SPTLC1: variants seen among roughly 807,000 people sequenced by gnomAD.
SPTLC1 encodes serine palmitoyltransferase 1.
In SPTLC1, 55 loss-of-function variants were observed where a neutral mutation model predicts 68.9. That is an observed-to-expected ratio of 0.80 (90% CI 0.64 to 1.00). The LOEUF (loss-of-function observed/expected upper bound fraction) is 1.00, where lower values mean the gene tolerates loss of function less well. Ranked by LOEUF, SPTLC1 falls within the 50% of genes least tolerant of loss-of-function variation. SPTLC1 has a pLI of 0.00. For missense variants in SPTLC1, 449 were observed against 573.1 expected (o/e 0.78, Z 2.21); for synonymous variants, 197 against 201.6 (o/e 0.98, Z 0.19).
At chr9:92,061,299 G>A (rs1432125146) in intron 6 of SPTLC1, among the ~76,000 whole-genome samples, 4 of 152,084 alleles carry the variant, frequency 2.6e-5, no homozygotes, top group Admixed American at 6.5e-5. Context: ...TTTGAATGAC[G>A]GGAGATTTTT....
chr9:92,115,075 G>T, intron 1 of SPTLC1: 2 of 582,818 alleles, frequency 3.4e-6, no homozygotes, highest in Non-Finnish European at 6.2e-6. Context: ...AGCTTCCAGG[G>T]GACCCGGAGC....
chr9:92,093,514 G>C (rs1396964149), intron 3 of SPTLC1, among the ~76,000 whole-genome samples: 1 of 152,054 alleles, frequency 6.6e-6, no homozygotes, highest in African/African-American at 2.4e-5. Flanking sequence ...GTTATCAGCA[G>C]GTGATATGAT....
intron 1 of SPTLC1, among the ~76,000 whole-genome samples, chr9:92,113,435 GAATT>G (rs1192712591): frequency 3.3e-5 from 5 of 152,168 alleles, no homozygotes; most frequent in African/African-American, 1.2e-4. Context: ...TCTCTCTAGT[GAATT>G]AATAAAAATC....
intron 3 of SPTLC1, among the ~76,000 whole-genome samples, chr9:92,098,062 C>T (rs1287230332): frequency 6.6e-6 from 1 of 152,152 alleles, no homozygotes; most frequent in African/African-American, 2.4e-5. Context: ...AGATGGCGAT[C>T]GGTAACCATC....
At chr9:92,056,102 G>A (rs1048699029) in intron 7 of SPTLC1, among the ~76,000 whole-genome samples, 1 of 152,110 alleles carries the variant, frequency 6.6e-6, no homozygotes, top group South Asian at 2.1e-4. Flanking sequence ...AACTCAAACC[G>A]TTTTCCTTCA....
At chr9:92,068,594 A>G (rs16908129) in intron 5 of SPTLC1, among the ~76,000 whole-genome samples, 5,174 of 152,272 alleles carry the variant, frequency 0.034, 155 homozygotes, top group South Asian at 0.11. Context: ...ACCTCCCATC[A>G]CTTTCTGGGG....
At chr9:92,060,130 G>C (rs562840908) in intron 6 of SPTLC1, among the ~76,000 whole-genome samples, 17 of 152,284 alleles carry the variant, frequency 1.1e-4, no homozygotes, top group African/African-American at 4.1e-4. Flanking sequence ...TGGAGGCCGA[G>C]TAGGGCCCCT....
chr9:92,092,187 TA>T (rs1416559036), intron 3 of SPTLC1, among the ~76,000 whole-genome samples: 3 of 152,186 alleles, frequency 2.0e-5, no homozygotes, highest in Admixed American at 1.3e-4. Flanking sequence ...AAGGAATATA[TA>T]ATATAAATTT....
At chr9:92,079,683 G>A (rs954079534) in intron 5 of SPTLC1, 2 of 919,444 alleles carry the variant, frequency 2.2e-6, no homozygotes, top group Non-Finnish European at 1.8e-6. Context: ...CATGGCAGGG[G>A]TTCCGCTCTC....
intron 1 of SPTLC1, 92 bp downstream of exon 1, chr9:92,115,222 C>T: frequency 7.7e-7 from 1 of 1,301,614 alleles, no homozygotes; most frequent in Non-Finnish European, 1.1e-6. Context: ...CGAGCCAGTC[C>T]CGCCGAGGTC....
intron 5 of SPTLC1, among the ~76,000 whole-genome samples, chr9:92,075,731 CACATATAAA>C (rs1284106872): frequency 6.6e-6 from 1 of 152,188 alleles, no homozygotes; most frequent in Non-Finnish European, 1.5e-5. Context: ...GTTTCCTCTT[CACATATAAA>C]ACATACTCTC....
chr9:92,055,553 T>C, intron 7 of SPTLC1, 59 bp from the exon 8 acceptor site: 1 of 1,511,850 alleles, frequency 6.6e-7, no homozygotes, highest in Non-Finnish European at 9.1e-7. Context: ...CAAGATCTGT[T>C]ACATATTCCC....
chr9:92,046,174 C>G (rs764250236), intron 11 of SPTLC1, 121 bp from the exon 12 acceptor site: 2 of 882,446 alleles, frequency 2.3e-6, no homozygotes, highest in Non-Finnish European at 3.6e-6. Context: ...CTTCTACATA[C>G]TAACAGAGCC....
chr9:92,071,545 T>G (rs1164022654), intron 5 of SPTLC1, among the ~76,000 whole-genome samples: 2 of 152,244 alleles, frequency 1.3e-5, no homozygotes, highest in African/African-American at 4.8e-5. Flanking sequence ...TCTTATGTGA[T>G]CCTTAGCAAA....
intron 9 of SPTLC1, among the ~76,000 whole-genome samples, chr9:92,048,545 C>T (rs1587916500): frequency 6.6e-6 from 1 of 152,166 alleles, no homozygotes; most frequent in African/African-American, 2.4e-5. Flanking sequence ...ATCCCCATCA[C>T]CCAGATTCAA....
At chr9:92,055,117 T>C (rs953678941) in intron 8 of SPTLC1, 9 of 590,826 alleles carry the variant, frequency 1.5e-5, no homozygotes, top group African/African-American at 2.0e-5. Context: ...CCCAGCTAAC[T>C]CAGAAAGCTA....
At chr9:92,039,141 T>C (rs1302935937) in intron 12 of SPTLC1, among the ~76,000 whole-genome samples, 1 of 152,304 alleles carries the variant, frequency 6.6e-6, no homozygotes, top group East Asian at 1.9e-4. Context: ...AGCAAAACTC[T>C]GTCTCAAAGA....
intron 3 of SPTLC1, among the ~76,000 whole-genome samples, chr9:92,106,926 C>G (rs1836018957): frequency 6.6e-6 from 1 of 152,284 alleles, no homozygotes; most frequent in Middle Eastern, 3.4e-3. Flanking sequence ...CTCCCCTCCT[C>G]CTCTTCCAGC....
chr9:92,097,444 G>A (rs1020542748), intron 3 of SPTLC1, among the ~76,000 whole-genome samples: 1 of 152,180 alleles, frequency 6.6e-6, no homozygotes, highest in Non-Finnish European at 1.5e-5. Flanking sequence ...TGCATCAACT[G>A]ATTAATGTAT....
Sources: gnomAD v4.1 joint callset for allele counts (sites outside exome capture counted in the v4.1 genomes callset) on GRCh38, gnomAD v4.1.1 for gene constraint, MANE v1.5 for transcripts, NCBI Gene and HGNC (gene_info 2026-07-23, HGNC 2026-07-21) for gene names.